Variants in STK39 observed in about 807,000 individuals in gnomAD.
STK39 encodes STE20/SPS1-related proline-alanine-rich protein kinase.
Under a neutral mutation model 77.8 loss-of-function variants are expected in STK39, and 20 were observed. The observed-to-expected ratio is 0.26, with a 90% CI of 0.18 to 0.37. The LOEUF (loss-of-function observed/expected upper bound fraction) is 0.37, where lower values mean the gene tolerates loss of function less well. Among genes scored for constraint, STK39 ranks in the 10% least tolerant of loss-of-function variants. The pLI, the probability that STK39 is intolerant of heterozygous loss-of-function variation, is 1.00. For synonymous variants in STK39, 246 were observed against 234.1 expected, an observed-to-expected ratio of 1.05 and a Z score of -0.47; for missense variants, 479 against 656.5, an observed-to-expected ratio of 0.73 and a Z score of 2.95.
rs757106778 is a variant in STK39 at position 168,065,316 on chromosome 2, T to A, written c.1305+3A>T. The A allele has an allele frequency of 4.7e-5, 76 of 1,613,816 alleles. No homozygotes were observed. The highest frequency in any genetic ancestry group is 6.7e-5 in the Admixed American group (4 of 59,994). On this transcript the variant is annotated splice_donor_region_variant and intron_variant, in intron 13 of 17. Transcript: ENST00000355999. ...AAACGGAATGACTGGCAGAGAAACA[T>A]ACCTGAGAGTCGTGCACAGAGAGGG...
At chr2:168,079,249 C>T (rs1197211654) in intron 10 of STK39, among the ~76,000 whole-genome samples, 2 of 152,118 alleles carry the variant, frequency 1.3e-5, no homozygotes, top group Admixed American at 6.5e-5. Context: ...TGCCTGGCTC[C>T]ACTGTCCTCT....
At chr2:168,217,289 T>TG (rs1208021534) in intron 1 of STK39, among the ~76,000 whole-genome samples, 1 of 152,154 alleles carries the variant, frequency 6.6e-6, no homozygotes, top group East Asian at 1.9e-4. Context: ...CCTTCATTAT[T>TG]GGAGGAGGAG....
intron 16 of STK39, among the ~76,000 whole-genome samples, chr2:167,985,108 G>A (rs1182928516): frequency 2.6e-5 from 4 of 152,174 alleles, no homozygotes; most frequent in Non-Finnish European, 5.9e-5. Context: ...ACCATATGTA[G>A]ACCTTTTTCT....
At chr2:167,983,477 A>AAAGGAAGGAAGGAAGGAAGGAAGGAAGG (rs35073385) in intron 16 of STK39, among the ~76,000 whole-genome samples, 48 of 130,800 alleles carry the variant, frequency 3.7e-4, no homozygotes, top group African/African-American at 1.3e-3. Flanking sequence ...AAAAGAAATG[A>AAAGGAAGGAAGGAAGGAAGGAAGGAAGG]AAGGAAGGAA....
At chr2:168,218,545 G>A (rs1235324411) in intron 1 of STK39, among the ~76,000 whole-genome samples, 2 of 152,046 alleles carry the variant, frequency 1.3e-5, no homozygotes. Flanking sequence ...CTAGAGCAAG[G>A]GCCAAGTCAC....
chr2:167,980,487 T>A (rs1037070279), intron 16 of STK39, among the ~76,000 whole-genome samples: 2 of 152,196 alleles, frequency 1.3e-5, no homozygotes. Flanking sequence ...AAAGTTAAAA[T>A]TAATGAGATA....
chr2:168,230,570 G>A (rs564870593), intron 1 of STK39, among the ~76,000 whole-genome samples: 1 of 152,276 alleles, frequency 6.6e-6, no homozygotes, highest in Non-Finnish European at 1.5e-5. Flanking sequence ...TGTATTATAA[G>A]CAAGTACAAT....
At chr2:168,126,456 AG>A (rs1202075858) in intron 10 of STK39, among the ~76,000 whole-genome samples, 3 of 152,244 alleles carry the variant, frequency 2.0e-5, no homozygotes, top group Admixed American at 2.0e-4. Context: ...TTCATTGCAC[AG>A]GGTGATTAAA....
intron 1 of STK39, among the ~76,000 whole-genome samples, chr2:168,239,202 C>T (rs936183941): frequency 3.3e-5 from 5 of 152,154 alleles, no homozygotes; most frequent in African/African-American, 4.8e-5. Context: ...CAGGAAGAGG[C>T]TCCACAGAAC....
chr2:168,241,599 G>A (rs1028004531), intron 1 of STK39, among the ~76,000 whole-genome samples: 1 of 152,188 alleles, frequency 6.6e-6, no homozygotes, highest in Non-Finnish European at 1.5e-5. Context: ...CCTTCCAGCA[G>A]CCCAGCACAA....
intron 16 of STK39, among the ~76,000 whole-genome samples, chr2:168,007,847 T>G (rs1684170591): frequency 6.6e-6 from 1 of 152,134 alleles, no homozygotes; most frequent in South Asian, 2.1e-4. Flanking sequence ...TGCAGAGTTT[T>G]GATTGAACTA....
intron 16 of STK39, among the ~76,000 whole-genome samples, chr2:167,968,710 T>C (rs923911454): frequency 6.6e-6 from 1 of 152,182 alleles, no homozygotes; most frequent in Non-Finnish European, 1.5e-5. Flanking sequence ...AAAGGCAGCA[T>C]GAGATTGCAA....
At chr2:168,245,882 C>T (rs1690885080) in intron 1 of STK39, among the ~76,000 whole-genome samples, 1 of 152,054 alleles carries the variant, frequency 6.6e-6, no homozygotes, top group Non-Finnish European at 1.5e-5. Context: ...TCTACAGATG[C>T]CTATTATAGG....
intron 14 of STK39, among the ~76,000 whole-genome samples, chr2:168,056,583 C>T (rs1026628482): frequency 1.3e-5 from 2 of 152,244 alleles, no homozygotes. Flanking sequence ...GAAATGCAAG[C>T]ATACTACTTC....
At chr2:168,176,534 G>A (rs988750939) in intron 2 of STK39, among the ~76,000 whole-genome samples, 5 of 152,156 alleles carry the variant, frequency 3.3e-5, no homozygotes, top group Admixed American at 2.0e-4. Context: ...GGGAGGTGAC[G>A]GAGGGAGTGA....
intron 1 of STK39, among the ~76,000 whole-genome samples, chr2:168,207,992 G>A (rs1202850037): frequency 1.3e-5 from 2 of 152,148 alleles, no homozygotes; most frequent in East Asian, 3.9e-4. Flanking sequence ...GAAGAACCAA[G>A]GCAGTAAAAC....
Position 168,021,389 on chromosome 2 carries a change from T to G in STK39, c.1377-4294A>C, listed in dbSNP as rs539047290. On this transcript the variant is annotated intron_variant, in intron 14 of 17. Coordinates refer to ENST00000355999, the MANE Select transcript of STK39 (RefSeq NM_013233.3). ...GATCACAGTGATTGATTGTGAGTAGTAGACTTGTCCCATCAAGATGAAATA... is the reference window on the plus strand; with the variant it reads ...GATCACAGTGATTGATTGTGAGTAGGAGACTTGTCCCATCAAGATGAAATA... Among the ~76,000 whole-genome samples the G allele has an allele frequency of 2.6e-5, 4 of 152,214 alleles. No individual in the cohort carries two copies. In the South Asian group the frequency reaches 6.2e-4, roughly 24 times the overall value.
chr2:167,956,531 T>C (rs1574342063), intron 17 of STK39, among the ~76,000 whole-genome samples: 1 of 146,142 alleles, frequency 6.8e-6, no homozygotes, highest in African/African-American at 2.6e-5. Flanking sequence ...GCCACTGCAC[T>C]CCAGCCTGGC....
chr2:168,137,990 A>C, intron 8 of STK39, 98 bp downstream of exon 8: 1 of 1,460,916 alleles, frequency 6.8e-7, no homozygotes, highest in Non-Finnish European at 9.1e-7. Context: ...GACAAGAAAT[A>C]CCTTTCCAGT....
Sources: gnomAD v4.1 joint callset for allele counts (sites outside exome capture counted in the v4.1 genomes callset) on GRCh38, gnomAD v4.1.1 for gene constraint, MANE v1.5 for transcripts, NCBI Gene and HGNC (gene_info 2026-07-23, HGNC 2026-07-21) for gene names.